MFN2: variants seen among roughly 807,000 people sequenced by gnomAD.
MFN2 encodes the protein mitofusin-2.
MFN2 carries 43 observed loss-of-function variants against 87.5 expected under a neutral mutation model. That is an observed-to-expected ratio of 0.49 (90% CI 0.38 to 0.63). The LOEUF is 0.63. MFN2 is among the 30% of genes least tolerant of loss of function. The pLI, the probability that MFN2 is intolerant of heterozygous loss-of-function variation, is 0.00. For missense variants in MFN2, 743 were observed against 972.8 expected (o/e 0.76, Z 3.14); for synonymous variants, 337 against 359.9 (o/e 0.94, Z 0.72).
chr1:11,995,395 G>C (rs371840045), intron 4 of MFN2, among the ~76,000 whole-genome samples: 2 of 152,214 alleles, frequency 1.3e-5, no homozygotes, highest in Non-Finnish European at 2.9e-5. Context: ...CACTTTGGGA[G>C]GTTGAAGCAG....
Position 11,997,025 on chromosome 1 carries a change from C to T in MFN2, c.475-272C>T, listed in dbSNP as rs183307084. 2.6e-3 allele frequency among the ~76,000 whole-genome samples: 342 copies of T among 129,242 alleles called. 1 individual carries two copies. Among genetic ancestry groups the T allele is most frequent in the Admixed American group, 5.1e-3 (58 of 11,302 alleles). 84.8% of individuals were successfully genotyped at this position (129,242 alleles called of 152,430 possible). Reference sequence around the variant, plus strand: ...TGTACTCCAAACCTGGGTGACAGAGCGAGACTCCGTCTCAAAAAAAAAAAA... The same window carrying T: ...TGTACTCCAAACCTGGGTGACAGAGTGAGACTCCGTCTCAAAAAAAAAAAA... On this transcript the variant is annotated intron_variant, in intron 5 of 18. Coordinates refer to ENST00000235329, the MANE Select transcript of MFN2 (RefSeq NM_014874.4).
At chr1:12,008,155 C>T (rs1205046937) in intron 17 of MFN2, among the ~76,000 whole-genome samples, 1 of 152,266 alleles carries the variant, frequency 6.6e-6, no homozygotes, top group African/African-American at 2.4e-5. Context: ...CTTCTTTCTA[C>T]ACAGACACAG....
At chr1:11,996,428 G>T (rs1227763453) in intron 5 of MFN2, 110 bp downstream of exon 5, 25 of 1,268,072 alleles carry the variant, frequency 2.0e-5, no homozygotes. Flanking sequence ...CCCTGTGGAG[G>T]TGAATGGGAG....
At chr1:11,983,197 C>G (rs115099917) in intron 2 of MFN2, among the ~76,000 whole-genome samples, 1 of 152,082 alleles carries the variant, frequency 6.6e-6, no homozygotes, top group African/African-American at 2.4e-5. Context: ...CTCAGCCTCC[C>G]GAGTAGCTGT....
chr1:12,000,439 CT>C (rs1355618901), intron 8 of MFN2, among the ~76,000 whole-genome samples: 7 of 152,188 alleles, frequency 4.6e-5, no homozygotes, highest in Admixed American at 1.3e-4. Flanking sequence ...ATCCGCCCGC[CT>C]CGGCCTCCCA....
At chr1:12,006,008 A>G in intron 15 of MFN2, 77 bp downstream of exon 15, 4 of 1,414,050 alleles carry the variant, frequency 2.8e-6, no homozygotes, top group South Asian at 2.3e-5. Context: ...GAACCATTCT[A>G]AAACGGGGGT....
Position 11,989,249 on chromosome 1 carries a change from C to A in MFN2, c.81C>A (p.Ser27=). ...NKRHMAEVNA[S]PLKHFVTAKK... The stretch of plus-strand genomic sequence containing the variant: ...GACACATGGCTGAGGTGAATGCATC[C>A]CCACTTAAGCACTTTGTCACTGCCA... Residue 27 remains serine (S), a synonymous_variant, in exon 3 of 19, where the codon TCC becomes TCA. Coordinates refer to ENST00000235329, the MANE Select transcript of MFN2 (RefSeq NM_014874.4). 1 of 1,614,004 alleles carries A rather than the reference C, an allele frequency of 6.2e-7. No individual in the cohort carries two copies. The highest frequency in any genetic ancestry group is 8.5e-7 in the Non-Finnish European group (1 of 1,180,018).
In MFN2 at chr1:12,005,784, C is replaced by T. The variant is rs1042837; in HGVS notation, c.1569C>T (p.Ser523=). The T allele has an allele frequency of 0.055, 89,160 of 1,614,182 alleles. 2,840 individuals are homozygous for T. Among genetic ancestry groups the T allele is most frequent in the East Asian group, 0.11 (4,830 of 44,894 alleles). ...TGCTGGTCCCACGCCAGTGCTTCTC[C>T]CTCAACTATGACCTAAACTGTGACA... ...IDMLVPRQCF[S]LNYDLNCDKL... is the part of the protein sequence containing the mutation. The change falls in exon 15 of 19, where the codon TCC becomes TCT. Residue 523 remains serine (S), a synonymous_variant. Coordinates refer to ENST00000235329, the MANE Select transcript of MFN2 (RefSeq NM_014874.4).
At chr1:11,995,068 C>T (rs1638851190) in intron 4 of MFN2, among the ~76,000 whole-genome samples, 1 of 151,826 alleles carries the variant, frequency 6.6e-6, no homozygotes. Context: ...ATGGCAAGAC[C>T]CCATCTCTAC....
chr1:11,985,440 C>A (rs573025716), intron 2 of MFN2, among the ~76,000 whole-genome samples: 1 of 150,620 alleles, frequency 6.6e-6, no homozygotes, highest in Non-Finnish European at 1.5e-5. Context: ...CTATATCATG[C>A]CCCATCCTTG....
chr1:11,988,020 T>A (rs1638497637), intron 2 of MFN2, among the ~76,000 whole-genome samples: 1 of 152,198 alleles, frequency 6.6e-6, no homozygotes, highest in Non-Finnish European at 1.5e-5. Context: ...ATGGGTTTTT[T>A]TCCCCTTCAG....
chr1:12,010,482 T>G (rs1468445997), intron 18 of MFN2, among the ~76,000 whole-genome samples: 1 of 152,122 alleles, frequency 6.6e-6, no homozygotes, highest in Admixed American at 6.6e-5. Flanking sequence ...ACTCTGATTC[T>G]CCTTACCTGC....
chr1:12,008,568 G>A (rs558953595), intron 17 of MFN2, among the ~76,000 whole-genome samples: 3 of 151,670 alleles, frequency 2.0e-5, no homozygotes, highest in Non-Finnish European at 4.4e-5. Context: ...CTTCTCAGAC[G>A]GGGCGGCTGC....
In MFN2 at chr1:12,011,523, G is replaced by A. The variant is rs756693072; in HGVS notation, c.2232G>A (p.Glu744=). The change falls in exon 19 of 19, where the codon GAG becomes GAA. Residue 744 remains glutamate, a synonymous_variant. Transcript: ENST00000235329. The part of the protein sequence containing the change: ...LRNKAGWLDS[E]LNMFTHQYLQ... The stretch of plus-strand genomic sequence containing the variant: ...ATAAAGCCGGTTGGTTGGACAGTGA[G>A]CTCAACATGTTCACACACCAGTACC... 1.2e-6 allele frequency: 2 copies of A among 1,614,180 alleles called. No homozygotes were observed. Among genetic ancestry groups the A allele is most frequent in the Admixed American group, 1.7e-5 (1 of 60,028 alleles).
chr1:12,010,424 C>T (rs1172520543), intron 18 of MFN2, among the ~76,000 whole-genome samples: 2 of 152,200 alleles, frequency 1.3e-5, no homozygotes, highest in East Asian at 1.9e-4. Flanking sequence ...CAAAAAATGG[C>T]CAGGCTAGGA....
In MFN2 at chr1:12,005,874, G is replaced by GA; in HGVS notation, c.1661dup (p.Asn554LysfsTer2). The GA allele has an allele frequency of 3.7e-6, 6 of 1,614,196 alleles. No homozygotes were observed. The highest frequency in any genetic ancestry group is 5.1e-6 in the Non-Finnish European group (6 of 1,180,032). On this transcript the variant is annotated frameshift_variant, in exon 15 of 19. Coordinates refer to ENST00000235329, the MANE Select transcript of MFN2 (RefSeq NM_014874.4). LOFTEE classifies it high-confidence loss of function. ...TCTCTCTCGGATGGACCATGCTGGTGAATAGGTTCCTGGGCCCCAAGAACA... is the reference window on the plus strand; with the variant it reads ...TCTCTCTCGGATGGACCATGCTGGTGAAATAGGTTCCTGGGCCCCAAGAACA...
rs771996151 is a variant in MFN2, at chr1:11,989,147, C to T, written c.-4-18C>T. ...AGGTAGGTGTTGCTGGGTTCGCTCA[C>T]GTTAGCTTCTCTTGCAGCGCAATGT... On this transcript the variant is annotated intron_variant, in intron 2 of 18. Transcript: ENST00000235329. 1.4e-5 allele frequency: 23 copies of T among 1,613,574 alleles called. No individual in the cohort carries two copies. The East Asian group carries it at 2.9e-4, about 20-fold the overall frequency.
At position 11,998,754 on chromosome 1, in the gene MFN2, C is replaced by G; in HGVS notation, c.600-16C>G. ...CTGCTCTGCCTGATGATTTGGTTTACCCCTGTCACCTTTAGCCCTGGTATT... is the reference window on the plus strand; with the variant it reads ...CTGCTCTGCCTGATGATTTGGTTTAGCCCTGTCACCTTTAGCCCTGGTATT... On this transcript the variant is annotated splice_polypyrimidine_tract_variant and intron_variant, in intron 6 of 18. Transcript: ENST00000235329. The G allele has an allele frequency of 6.2e-7, 1 of 1,611,828 alleles. No individual in the cohort carries two copies. The highest frequency in any genetic ancestry group is 8.5e-7 in the Non-Finnish European group (1 of 1,177,914).
chr1:12,004,667 A>T lies in MFN2; in HGVS notation c.1392+54A>T, dbSNP rs1179110186. 1.9e-6 allele frequency: 3 copies of T among 1,569,586 alleles called. No homozygotes were observed. Among genetic ancestry groups the T allele is most frequent in the Admixed American group, 3.3e-5 (2 of 59,896 alleles). On this transcript the variant is annotated intron_variant, in intron 13 of 18. Transcript: ENST00000235329. The surrounding 1 kb of genome is among the most constrained non-coding windows in gnomAD (Gnocchi z 4.2). ...GCAGGAGGCCCCCAAAAGTGATTCA[A>T]CCCCTGTTGGTCTGGGTCAGGGCCC...
Sources: gnomAD v4.1 joint callset for allele counts (sites outside exome capture counted in the v4.1 genomes callset) on GRCh38, gnomAD v4.1.1 for gene constraint, Gnocchi (gnomAD v3.1) non-coding constraint, MANE v1.5 for transcripts, NCBI Gene and HGNC (gene_info 2026-07-23, HGNC 2026-07-21) for gene names.